Variants in SENP1 observed in about 807,000 individuals in gnomAD.
SENP1 encodes the protein SUMO specific peptidase 1.
SENP1 carries 21 observed loss-of-function variants against 93.0 expected under a neutral mutation model. The ratio of observed to expected loss-of-function variants is 0.23; its 90% confidence interval spans 0.16 to 0.33. The LOEUF (loss-of-function observed/expected upper bound fraction) is 0.33, where lower values mean the gene tolerates loss of function less well. Ranked by LOEUF, SENP1 falls within the 10% of genes least tolerant of loss-of-function variation. The pLI is 1.00. For synonymous variants in SENP1, 256 were observed against 259.6 expected, an observed-to-expected ratio of 0.99 and a Z score of 0.13; for missense variants, 591 against 758.7, an observed-to-expected ratio of 0.78 and a Z score of 2.60.
chr12:48,053,741 G>A (rs933680448), intron 13 of SENP1, among the ~76,000 whole-genome samples: 1 of 152,156 alleles, frequency 6.6e-6, no homozygotes, highest in Non-Finnish European at 1.5e-5. Flanking sequence ...TAGTTTCAGT[G>A]TAATTACAGT....
intron 13 of SENP1, among the ~76,000 whole-genome samples, chr12:48,054,044 A>G (rs79710179): frequency 6.6e-6 from 1 of 152,214 alleles, no homozygotes; most frequent in African/African-American, 2.4e-5. Flanking sequence ...TAATAGAGAG[A>G]CAGGAAATGC....
chr12:48,098,536 G>A lies in SENP1; in HGVS notation c.5-412C>T, dbSNP rs561464429. 2.0e-5 allele frequency among the ~76,000 whole-genome samples: 3 copies of A among 151,796 alleles called. No homozygotes were observed. The East Asian group carries it at 5.8e-4, about 30-fold the overall frequency. ...CGGGTACCTGTAATCCCAGCTACTCGGGAGGCTGAGGCAGGAGAATTGCTT... is the reference window on the plus strand; with the variant it reads ...CGGGTACCTGTAATCCCAGCTACTCAGGAGGCTGAGGCAGGAGAATTGCTT... On this transcript the variant is annotated intron_variant, in intron 2 of 17. Transcript: ENST00000549518.
In SENP1 at chr12:48,074,407, G is replaced by A. The variant is rs1943920096; in HGVS notation, c.857C>T (p.Ser286Phe). The A allele has an allele frequency of 6.2e-7, 1 of 1,613,662 alleles. No individual in the cohort carries two copies. The highest frequency in any genetic ancestry group is 1.3e-5 in the African/African-American group (1 of 74,906). The change falls in exon 8 of 18, where the codon TCT becomes TTT. Residue 286 changes from serine (S) to phenylalanine (F), a missense_variant. Physicochemically the swap from Ser to Phe is radical, Grantham distance 155. Around this residue, in one of 4 missense-constraint regions of SENP1, gnomAD observed 238 missense variants for 259.1 expected, o/e 0.92. Coordinates refer to ENST00000549518, the MANE Select transcript of SENP1 (RefSeq NM_001267594.2). ...ATGATGGGGATGATGAAGAGTACCA[G>A]AATCTTTGGATCCAAATGCAACATC... Reference protein sequence around the residue: ...TPDVAFGSKDSGTLHHPHHHH... With the variant: ...TPDVAFGSKDFGTLHHPHHHH...
chr12:48,087,762 A>G (rs1405660950), intron 5 of SENP1, among the ~76,000 whole-genome samples: 2 of 152,234 alleles, frequency 1.3e-5, no homozygotes, highest in Non-Finnish European at 2.9e-5. Context: ...GTCCATGTGC[A>G]TAAAATAATA....
intron 10 of SENP1, 110 bp from the exon 11 acceptor site, chr12:48,065,790 T>C: frequency 1.5e-6 from 1 of 653,342 alleles, no homozygotes; most frequent in South Asian, 2.0e-5. Context: ...AAGTCTAAAA[T>C]CCTTACACTA....
chr12:48,059,525 C>T (rs564160815), intron 13 of SENP1, among the ~76,000 whole-genome samples: 2 of 152,172 alleles, frequency 1.3e-5, no homozygotes, highest in South Asian at 4.1e-4. Context: ...TTTATAGTAA[C>T]TTTTTAAAAA....
chr12:48,075,236 C>A (rs1565777248), intron 6 of SENP1, among the ~76,000 whole-genome samples: 1 of 151,648 alleles, frequency 6.6e-6, no homozygotes, highest in African/African-American at 2.4e-5. Flanking sequence ...CAAAACAAAA[C>A]AAAACAAAAC....
In SENP1 at chr12:48,098,129, G is replaced by A. The variant is rs766046160; in HGVS notation, c.5-5C>T. 10 of 1,612,208 alleles carry A rather than the reference G, an allele frequency of 6.2e-6. No homozygotes were observed. In the Admixed American group the frequency reaches 1.5e-4, roughly 24 times the overall value. On this transcript the variant is annotated splice_region_variant and splice_polypyrimidine_tract_variant and intron_variant, in intron 2 of 17. Coordinates refer to ENST00000549518, the MANE Select transcript of SENP1 (RefSeq NM_001267594.2). ...TCATCCTATCAGCAATATCATCTGG[G>A]GAGACAGTCTGGATTAGTTCAAGTC...
chr12:48,085,824 C>T (rs1246247304), intron 5 of SENP1, among the ~76,000 whole-genome samples: 1 of 151,380 alleles, frequency 6.6e-6, no homozygotes, highest in Non-Finnish European at 1.5e-5. Flanking sequence ...GAAAAGATGG[C>T]AAGGGCAGTG....
At chr12:48,089,400 C>G (rs1052794336) in intron 4 of SENP1, 5 of 1,150,936 alleles carry the variant, frequency 4.3e-6, no homozygotes, top group Non-Finnish European at 5.6e-6. Flanking sequence ...GTGTCACTTT[C>G]TTCGTTTTAG....
At chr12:48,071,779 A>G in intron 8 of SENP1, 58 bp from the exon 9 acceptor site, 1 of 1,147,154 alleles carries the variant, frequency 8.7e-7, no homozygotes, top group Non-Finnish European at 1.3e-6. Flanking sequence ...TATACTTTCT[A>G]GATATCTTAG....
intron 15 of SENP1, among the ~76,000 whole-genome samples, chr12:48,047,602 G>A (rs891162170): frequency 1.3e-5 from 2 of 152,130 alleles, no homozygotes; most frequent in African/African-American, 4.8e-5. Flanking sequence ...TGAGGAATAG[G>A]TATTTTGGAA....
At chr12:48,063,621 A>G in intron 13 of SENP1, 89 bp downstream of exon 13, 1 of 1,329,916 alleles carries the variant, frequency 7.5e-7, no homozygotes. Flanking sequence ...TCATCCATGG[A>G]CCACATTTTG....
Position 48,088,785 on chromosome 12 carries a change from A to G in SENP1, c.380+16T>C, listed in dbSNP as rs774768426. 3 of 1,605,702 alleles carry G rather than the reference A, an allele frequency of 1.9e-6. No individual in the cohort carries two copies. Among genetic ancestry groups the G allele is most frequent in the Non-Finnish European group, 8.5e-7 (1 of 1,175,490 alleles). The stretch of plus-strand genomic sequence containing the variant: ...TCTGAGGAAGGGCTTGAGAACTAAG[A>G]TGACAAAATACGAACCTTGAGGTCT... On this transcript the variant is annotated intron_variant, in intron 5 of 17. Coordinates refer to ENST00000549518, the MANE Select transcript of SENP1 (RefSeq NM_001267594.2).
chr12:48,052,669 T>G (rs867896078), intron 13 of SENP1, among the ~76,000 whole-genome samples: 2 of 152,274 alleles, frequency 1.3e-5, no homozygotes, highest in South Asian at 4.1e-4. Context: ...TTTTCTTACA[T>G]GCCAATTCAA....
At chr12:48,084,447 G>GTTTTTTTTTTTTTTTTTT (rs5798059) in intron 5 of SENP1, among the ~76,000 whole-genome samples, 2 of 109,450 alleles carry the variant, frequency 1.8e-5, no homozygotes, top group Non-Finnish European at 3.7e-5. Context: ...CTAATTTTGA[G>GTTTTTTTTTTTTTTTTTT]TTTTTTTTTT....
intron 13 of SENP1, among the ~76,000 whole-genome samples, chr12:48,051,991 G>A (rs1941855486): frequency 6.6e-6 from 1 of 152,144 alleles, no homozygotes; most frequent in African/African-American, 2.4e-5. Flanking sequence ...GGTGCTTAAG[G>A]AGCTACCCTT....
chr12:48,074,263 G>T, intron 8 of SENP1, 61 bp downstream of exon 8: 2 of 1,325,340 alleles, frequency 1.5e-6, no homozygotes, highest in Non-Finnish European at 2.1e-6. Flanking sequence ...CCTGTAATGA[G>T]CTAATGAACA....
chr12:48,085,234 G>A lies in SENP1; in HGVS notation c.381-1472C>T, dbSNP rs143411289. On this transcript the variant is annotated intron_variant, in intron 5 of 17. Transcript: ENST00000549518. ...GACACTTTCCGGCAATTTCTAAACC[G>A]GGATGACACTGGCATCATCCTCATC... 569 of 1,549,076 alleles carry A rather than the reference G, an allele frequency of 3.7e-4. No individual in the cohort carries two copies. The African/African-American group carries it at 6.7e-3, about 18-fold the overall frequency.
Sources: allele counts gnomAD v4.1 joint callset (sites outside exome capture counted in the v4.1 genomes callset), GRCh38; gene constraint gnomAD v4.1.1; regional missense constraint gnomAD v4.1.1; transcripts MANE v1.5; gene names NCBI Gene and HGNC (gene_info 2026-07-23, HGNC 2026-07-21).